Variants in TRIM38 observed in about 807,000 individuals in gnomAD.
The protein encoded by TRIM38 is tripartite motif containing 38.
In TRIM38, 35 loss-of-function variants were observed where a neutral mutation model predicts 35.8. The ratio of observed to expected loss-of-function variants is 0.98; its 90% confidence interval spans 0.75 to 1.30. The LOEUF is 1.30. TRIM38 is among the 50% of genes most tolerant of loss of function. The probability of loss-of-function intolerance (pLI) is 0.00; values close to 1 mark genes in which losing one functional copy is unlikely to be tolerated. For synonymous variants in TRIM38, 198 were observed against 204.7 expected (o/e 0.97, Z 0.28); for missense variants, 545 against 556.9 (o/e 0.98, Z 0.21).
Position 25,987,965 on chromosome 6 carries a change from T to C in TRIM38, c.*4278T>C, listed in dbSNP as rs1334493897. 1 of 152,164 alleles carries C rather than the reference T, an allele frequency of 6.6e-6. No individual in the cohort carries two copies. Among genetic ancestry groups the C allele is most frequent in the African/African-American group, 2.4e-5 (1 of 41,416 alleles). 9.4% of individuals were successfully genotyped at this position (152,164 alleles called of 1,614,324 possible). A position where few individuals can be genotyped will look rare whatever the true frequency, so the allele number is the denominator to read the frequency against. On this transcript the variant is annotated 3_prime_UTR_variant, in exon 8 of 8. Transcript: ENST00000357085. Reference sequence around the variant, plus strand: ...GGAGTGAACTCCGGAGGCAGGGACTTTACTCCGGACCAGATTGAAGACTAG... The same window carrying C: ...GGAGTGAACTCCGGAGGCAGGGACTCTACTCCGGACCAGATTGAAGACTAG...
At chr6:25,976,081 T>C (rs1199007714) in intron 7 of TRIM38, among the ~76,000 whole-genome samples, 2 of 152,208 alleles carry the variant, frequency 1.3e-5, no homozygotes, top group Non-Finnish European at 2.9e-5. Context: ...TTACTTTTCT[T>C]GGTTCTTGTT....
rs1452546201 is a variant in TRIM38, at chr6:25,986,701, T to C, written c.*3014T>C. On this transcript the variant is annotated 3_prime_UTR_variant, in exon 8 of 8. Coordinates refer to ENST00000357085, the MANE Select transcript of TRIM38 (RefSeq NM_006355.5). Reference sequence around the variant, plus strand: ...CTGAAACAAGTTTATTTCTCTCCCATTTAAAGCAAGTCTAGATGTGGAAGT... The same window carrying C: ...CTGAAACAAGTTTATTTCTCTCCCACTTAAAGCAAGTCTAGATGTGGAAGT... 1 of 152,070 alleles carries C rather than the reference T, an allele frequency of 6.6e-6. No homozygotes were observed. Among genetic ancestry groups the C allele is most frequent in the Non-Finnish European group, 1.5e-5 (1 of 68,006 alleles). 9.4% of individuals were successfully genotyped at this position (152,070 alleles called of 1,614,324 possible).
chr6:25,971,973 AG>A lies in TRIM38; in HGVS notation c.613del (p.Glu205AsnfsTer5). 1.9e-6 allele frequency: 3 copies of A among 1,614,210 alleles called. No homozygotes were observed. Among genetic ancestry groups the A allele is most frequent in the Non-Finnish European group, 2.5e-6 (3 of 1,180,038 alleles). ...CTTATCTCTGGAGGCTGGAGAAAGA[AG>A]AACAACAGACTCTGAGTAGACTGAG... ...KSYLWRLEKE[E>X]QQTLSRLRDY... is the part of the protein sequence containing the mutation. On this transcript the variant is annotated frameshift_variant, in exon 5 of 8. Transcript: ENST00000357085. LOFTEE classifies it high-confidence loss of function.
At position 25,966,486 on chromosome 6, in the gene TRIM38, T is replaced by C. The variant is rs1278407576; in HGVS notation, c.-37T>C. ...GAAAATTCTGGCTGCTTCATCTCCA[T>C]CTCTAGAGCCAATATTGGAGCTTTT... On this transcript the variant is annotated 5_prime_UTR_variant, in exon 3 of 8. Coordinates refer to ENST00000357085, the MANE Select transcript of TRIM38 (RefSeq NM_006355.5). The C allele has an allele frequency of 2.6e-6, 4 of 1,546,900 alleles. No homozygotes were observed. Among genetic ancestry groups the C allele is most frequent in the Non-Finnish European group, 3.5e-6 (4 of 1,149,022 alleles).
chr6:25,989,144 T>C lies in TRIM38; in HGVS notation c.*5457T>C, dbSNP rs1760788235. On this transcript the variant is annotated 3_prime_UTR_variant, in exon 8 of 8. Transcript: ENST00000357085. ...CTTGTTTTAATTTGCAGTTCCCTAA[T>C]GACATGATGTCAAGCATCTTTTCAT... The C allele has an allele frequency of 6.6e-6, 1 of 152,256 alleles. No homozygotes were observed. The highest frequency in any genetic ancestry group is 1.5e-5 in the Non-Finnish European group (1 of 68,040). The allele number at this position is 152,256 out of a possible 1,614,324, so 9.4% of individuals were successfully genotyped here.
chr6:25,983,279 T>A lies in TRIM38; in HGVS notation c.990T>A (p.Phe330Leu). 1.2e-6 allele frequency: 2 copies of A among 1,614,188 alleles called. No homozygotes were observed. Among genetic ancestry groups the A allele is most frequent in the Non-Finnish European group, 1.7e-6 (2 of 1,180,016 alleles). The change falls in exon 8 of 8, where the codon TTT becomes TTA. Residue 330 changes from phenylalanine to leucine, a missense_variant. By Grantham distance (22) the Phe-to-Leu change is conservative. Transcript: ENST00000357085. ...QENQDTSSRRFTAFPCVLGCE... is the reference protein window; with the variant it reads ...QENQDTSSRRLTAFPCVLGCE... ...ATCAGGACACATCTTCCAGGAGATT[T>A]ACTGCCTTCCCCTGTGTCTTGGGTT...
intron 7 of TRIM38, among the ~76,000 whole-genome samples, chr6:25,982,036 C>T (rs1052475652): frequency 4.6e-5 from 7 of 152,094 alleles, no homozygotes; most frequent in East Asian, 1.9e-4. Flanking sequence ...GGAAGATGTC[C>T]GGGGTCCAGG....
At chr6:25,969,195 A>G in intron 3 of TRIM38, 130 bp from the exon 4 acceptor site, 1 of 672,566 alleles carries the variant, frequency 1.5e-6, no homozygotes, top group South Asian at 2.3e-5. Flanking sequence ...CATGCTCTCT[A>G]GCAAAAAACA....
chr6:25,977,164 G>A (rs1243722937), intron 7 of TRIM38, among the ~76,000 whole-genome samples: 1 of 152,148 alleles, frequency 6.6e-6, no homozygotes, highest in Non-Finnish European at 1.5e-5. Context: ...TTCCTTCAAG[G>A]TCTGTGTCTT....
intron 2 of TRIM38, among the ~76,000 whole-genome samples, chr6:25,963,633 G>A (rs1262097540): frequency 6.6e-6 from 1 of 152,178 alleles, no homozygotes; most frequent in Non-Finnish European, 1.5e-5. Flanking sequence ...CAGGAGCTCT[G>A]ATCCCATAGA....
chr6:25,968,230 A>G (rs948675720), intron 3 of TRIM38, among the ~76,000 whole-genome samples: 1 of 152,188 alleles, frequency 6.6e-6, no homozygotes, highest in Non-Finnish European at 1.5e-5. Flanking sequence ...CACTCAGCTC[A>G]TGGCAGCTCT....
In TRIM38 at chr6:25,973,227, T is replaced by C. The variant is rs147594261; in HGVS notation, c.816T>C (p.Thr272=). Residue 272 remains threonine, a synonymous_variant, in exon 7 of 8, where the codon ACT becomes ACC. Coordinates refer to ENST00000357085, the MANE Select transcript of TRIM38 (RefSeq NM_006355.5). ...AGGCTGTCTCCTTGGAACTTCATAC[T>C]ATGTGCAATGTTTCCAAGCTTTACT... is the stretch of plus-strand genomic sequence containing the variant. The part of the protein sequence containing the change: ...TSEAVSLELH[T]MCNVSKLYFD... 8.1e-6 allele frequency: 13 copies of C among 1,614,172 alleles called. No individual in the cohort carries two copies. In the African/African-American group the frequency reaches 1.5e-4, roughly 18 times the overall value.
At chr6:25,969,283 A>G in intron 3 of TRIM38, 42 bp from the exon 4 acceptor site, 2 of 1,440,008 alleles carry the variant, frequency 1.4e-6, no homozygotes, top group Non-Finnish European at 1.9e-6. Flanking sequence ...CCTAATGAAG[A>G]GTCAAATTGA....
intron 4 of TRIM38, among the ~76,000 whole-genome samples, chr6:25,969,850 G>A (rs1760173993): frequency 6.6e-6 from 1 of 152,112 alleles, no homozygotes; most frequent in Admixed American, 6.5e-5. Flanking sequence ...TTAGAAAACA[G>A]GATCACTCCA....
Position 25,979,995 on chromosome 6 carries a change from T to G in TRIM38, c.875-3169T>G, listed in dbSNP as rs1760499342. 2.0e-5 allele frequency among the ~76,000 whole-genome samples: 3 copies of G among 152,340 alleles called. No homozygotes were observed. The South Asian group carries it at 6.2e-4, about 32-fold the overall frequency. ...ATCTTTTTATTATTGGTTTATAATC[T>G]TATATTGAGGCTAGAGAAAATGATC... On this transcript the variant is annotated intron_variant, in intron 7 of 7. Coordinates refer to ENST00000357085, the MANE Select transcript of TRIM38 (RefSeq NM_006355.5).
At chr6:25,967,877 A>T (rs141976448) in intron 3 of TRIM38, among the ~76,000 whole-genome samples, 42 of 152,126 alleles carry the variant, frequency 2.8e-4, no homozygotes, top group African/African-American at 9.4e-4. Flanking sequence ...TAAAATTCAA[A>T]CTATCCGTAT....
intron 4 of TRIM38, among the ~76,000 whole-genome samples, chr6:25,970,958 C>A (rs1211288175): frequency 6.6e-6 from 1 of 151,900 alleles, no homozygotes; most frequent in Non-Finnish European, 1.5e-5. Flanking sequence ...TTAAGATGAC[C>A]CTAGGGTAGT....
chr6:25,965,061 C>T (rs1033625738), intron 2 of TRIM38, among the ~76,000 whole-genome samples: 2 of 152,184 alleles, frequency 1.3e-5, no homozygotes, highest in Admixed American at 6.5e-5. Flanking sequence ...GATCTGCCCG[C>T]CTCGGCTTCC....
rs201641919 is a variant in TRIM38 at position 25,978,310 on chromosome 6, AT to A, written c.875-4847del. ...GCCACCACATCTGGCTGATGTTTAA[AT>A]TTTTTTGAGACAGCATCTCTATATG... On this transcript the variant is annotated intron_variant, in intron 7 of 7. Transcript: ENST00000357085. Among the ~76,000 whole-genome samples the A allele has an allele frequency of 2.6e-3, 393 of 151,160 alleles. 2 individuals are homozygous for A. The highest frequency in any genetic ancestry group is 0.011 in the East Asian group (55 of 5,100).
Sources: gnomAD v4.1 joint callset for allele counts (sites outside exome capture counted in the v4.1 genomes callset) on GRCh38, gnomAD v4.1.1 for gene constraint, MANE v1.5 for transcripts, NCBI Gene and HGNC (gene_info 2026-07-23, HGNC 2026-07-21) for gene names.